RELN: variants seen among roughly 807,000 people sequenced by gnomAD.
The protein encoded by RELN is reelin.
A neutral mutation model predicts 427.6 loss-of-function variants in RELN; 108 were observed. That is an observed-to-expected ratio of 0.25 (90% CI 0.22 to 0.30). The LOEUF is 0.30. Ranked by LOEUF, RELN falls within the 10% of genes least tolerant of loss-of-function variation. RELN has a pLI of 1.00. For missense variants in RELN, 3,715 were observed against 4,302.8 expected, an observed-to-expected ratio of 0.86 and a Z score of 3.82; for synonymous variants, 1,524 against 1,513.4, an observed-to-expected ratio of 1.01 and a Z score of -0.16.
At chr7:103,985,961 A>G (rs1797088922) in intron 1 of RELN, among the ~76,000 whole-genome samples, 1 of 152,158 alleles carries the variant, frequency 6.6e-6, no homozygotes, top group African/African-American at 2.4e-5. Flanking sequence ...GCAACTTTCT[A>G]CCACACAAAA....
intron 34 of RELN, among the ~76,000 whole-genome samples, chr7:103,564,420 A>G (rs1357623879): frequency 6.6e-6 from 1 of 152,202 alleles, no homozygotes; most frequent in East Asian, 1.9e-4. Flanking sequence ...TCAGGAAGCC[A>G]CTTACTGTGA....
At chr7:103,967,591 G>A (rs1796685063) in intron 1 of RELN, among the ~76,000 whole-genome samples, 1 of 152,106 alleles carries the variant, frequency 6.6e-6, no homozygotes, top group Non-Finnish European at 1.5e-5. Context: ...GCTCCCTGCT[G>A]CCCACAGACA....
intron 37 of RELN, among the ~76,000 whole-genome samples, chr7:103,557,477 G>T (rs1403363662): frequency 2.0e-5 from 3 of 152,116 alleles, no homozygotes; most frequent in African/African-American, 7.2e-5. Context: ...TTTACAAAGG[G>T]TCAAACATTT....
intron 48 of RELN, among the ~76,000 whole-genome samples, chr7:103,520,267 T>C (rs750949878): frequency 6.6e-6 from 1 of 152,222 alleles, no homozygotes; most frequent in Admixed American, 6.5e-5. Context: ...AAATAGCATA[T>C]TGAGATGACC....
chr7:103,476,170 C>T (rs1314555268), intron 64 of RELN, among the ~76,000 whole-genome samples: 1 of 152,066 alleles, frequency 6.6e-6, no homozygotes, highest in Non-Finnish European at 1.5e-5. Context: ...TATATAGTCA[C>T]ATTAAAAATG....
intron 1 of RELN, among the ~76,000 whole-genome samples, chr7:103,966,576 A>G (rs570414668): frequency 6.6e-6 from 1 of 152,346 alleles, no homozygotes; most frequent in Admixed American, 6.5e-5. Flanking sequence ...TTTGCATATA[A>G]TAAGGATATA....
chr7:103,559,191 G>T (rs1830588405), intron 36 of RELN, among the ~76,000 whole-genome samples: 1 of 152,206 alleles, frequency 6.6e-6, no homozygotes, highest in Non-Finnish European at 1.5e-5. Flanking sequence ...TATAAGTGGT[G>T]ATGGTAGGAT....
intron 1 of RELN, among the ~76,000 whole-genome samples, chr7:103,955,178 A>G (rs1221699962): frequency 6.6e-6 from 1 of 152,210 alleles, no homozygotes; most frequent in African/African-American, 2.4e-5. Context: ...CCAGGGATCC[A>G]GTCTTATCTA....
intron 2 of RELN, among the ~76,000 whole-genome samples, chr7:103,835,519 C>T (rs564620827): frequency 4.6e-5 from 7 of 152,166 alleles, no homozygotes; most frequent in Non-Finnish European, 7.4e-5. Context: ...AGGATGTTGA[C>T]GGTAGGGGAG....
intron 2 of RELN, among the ~76,000 whole-genome samples, chr7:103,853,599 T>C (rs1229001344): frequency 6.6e-6 from 1 of 152,042 alleles, no homozygotes; most frequent in Non-Finnish European, 1.5e-5. Flanking sequence ...TTTGGAATTA[T>C]TTCACCTACA....
chr7:103,476,411 C>T lies in RELN; in HGVS notation c.10286+1978G>A, dbSNP rs541870779. ...AGGAGAATTGCTTGAACCTGGGAGG[C>T]AGAGGTTGCAGTGAGCTGAGATTGT... On this transcript the variant is annotated intron_variant, in intron 64 of 64. Coordinates refer to ENST00000428762, the MANE Select transcript of RELN (RefSeq NM_005045.4). 1.0e-3 allele frequency among the ~76,000 whole-genome samples: 152 copies of T among 152,152 alleles called. 5 individuals carry two copies. The South Asian group carries it at 0.03, about 30-fold the overall frequency.
chr7:103,878,275 T>G (rs1794530139), intron 2 of RELN, among the ~76,000 whole-genome samples: 1 of 152,188 alleles, frequency 6.6e-6, no homozygotes. Context: ...CCTCCTAATG[T>G]AGGATTTGTT....
At chr7:103,827,882 A>G (rs1793181476) in intron 3 of RELN, among the ~76,000 whole-genome samples, 1 of 152,072 alleles carries the variant, frequency 6.6e-6, no homozygotes. Context: ...ATCCAGTTTT[A>G]TCTCAGAGCA....
intron 16 of RELN, among the ~76,000 whole-genome samples, chr7:103,644,083 A>T (rs1832747506): frequency 6.6e-6 from 1 of 151,924 alleles, no homozygotes; most frequent in Non-Finnish European, 1.5e-5. Flanking sequence ...TACACAGCAT[A>T]CATTATAGTC....
intron 8 of RELN, among the ~76,000 whole-genome samples, chr7:103,706,180 G>A (rs992205556): frequency 1.3e-5 from 2 of 151,560 alleles, no homozygotes; most frequent in East Asian, 3.9e-4. Context: ...AGCATCATTG[G>A]TAAATATGCT....
chr7:103,791,747 C>T (rs1792165888), intron 3 of RELN, among the ~76,000 whole-genome samples: 1 of 149,224 alleles, frequency 6.7e-6, no homozygotes, highest in Non-Finnish European at 1.5e-5. Context: ...AAATTAAAAC[C>T]TTTGTGCAAC....
intron 16 of RELN, among the ~76,000 whole-genome samples, chr7:103,649,128 C>A (rs1162187997): frequency 2.0e-5 from 3 of 151,900 alleles, no homozygotes; most frequent in African/African-American, 7.2e-5. Flanking sequence ...AAAGGGAAAC[C>A]TTTACTTGTA....
chr7:103,975,515 G>GTTTGTATT (rs35356053), intron 1 of RELN, among the ~76,000 whole-genome samples: 11 of 141,826 alleles, frequency 7.8e-5, no homozygotes, highest in African/African-American at 1.3e-4. Context: ...GAATGGAGCA[G>GTTTGTATT]TATTTATTTA....
intron 54 of RELN, 39 bp from the exon 55 acceptor site, chr7:103,497,965 T>G (rs760024515): frequency 6.2e-7 from 1 of 1,605,450 alleles, no homozygotes; most frequent in Non-Finnish European, 8.5e-7. Flanking sequence ...AATAATTCAT[T>G]AGAACAAATA....
Sources: allele counts gnomAD v4.1 joint callset (sites outside exome capture counted in the v4.1 genomes callset), GRCh38; gene constraint gnomAD v4.1.1; transcripts MANE v1.5; gene names NCBI Gene and HGNC (gene_info 2026-07-23, HGNC 2026-07-21).